Variants in CSTPP1 observed in about 807,000 individuals in gnomAD.
The protein encoded by CSTPP1 is centriolar satellite-associated tubulin polyglutamylase complex regulator 1.
At chr11:47,131,702 C>T in the CSTPP1 span, among the ~76,000 whole-genome samples, 1,684 of 152,226 alleles carry the variant, frequency 0.011, 106 homozygotes, top group Admixed American at 0.099. Flanking sequence ...CATGGCCTGG[C>T]GCAGTAGCTC....
the CSTPP1 span, among the ~76,000 whole-genome samples, chr11:46,938,037 G>A: frequency 6.6e-6 from 1 of 151,604 alleles, no homozygotes; most frequent in Admixed American, 6.6e-5. Flanking sequence ...ACCACGCCAG[G>A]TTAATTTTAT....
the CSTPP1 span, among the ~76,000 whole-genome samples, chr11:46,971,593 A>G: frequency 1.3e-5 from 2 of 152,356 alleles, no homozygotes; most frequent in East Asian, 1.9e-4. Flanking sequence ...ATCCAAAAAG[A>G]ATTCTGTATT....
chr11:47,156,951 A>G, the CSTPP1 span: 8 of 1,513,348 alleles, frequency 5.3e-6, no homozygotes, highest in Admixed American at 5.3e-5. Flanking sequence ...AAGGGAAGAC[A>G]TAGTGAACAG....
the CSTPP1 span, among the ~76,000 whole-genome samples, chr11:47,126,550 T>C: frequency 6.6e-6 from 1 of 152,170 alleles, no homozygotes; most frequent in African/African-American, 2.4e-5. Context: ...GAAGAGCTCT[T>C]GAACCCAAGG....
the CSTPP1 span, among the ~76,000 whole-genome samples, chr11:47,065,208 A>G: frequency 6.6e-6 from 1 of 152,222 alleles, no homozygotes; most frequent in South Asian, 2.1e-4. Context: ...CAGTGAATCT[A>G]TAGATCACTT....
the CSTPP1 span, among the ~76,000 whole-genome samples, chr11:46,959,837 A>G: frequency 6.6e-6 from 1 of 151,148 alleles, no homozygotes; most frequent in Admixed American, 6.6e-5. Context: ...AGATATGCTT[A>G]GCACACCAAT....
the CSTPP1 span, among the ~76,000 whole-genome samples, chr11:47,084,902 T>C: frequency 6.6e-6 from 1 of 152,058 alleles, no homozygotes; most frequent in South Asian, 2.1e-4. Flanking sequence ...TTATTAAGAA[T>C]CGCCGGGTGC....
chr11:47,024,472 G>T, the CSTPP1 span, among the ~76,000 whole-genome samples: 2 of 151,410 alleles, frequency 1.3e-5, no homozygotes, highest in Non-Finnish European at 2.9e-5. Flanking sequence ...AAAGTCTATT[G>T]TCTGTAGCTA....
At chr11:47,130,350 A>G in the CSTPP1 span, among the ~76,000 whole-genome samples, 1 of 152,148 alleles carries the variant, frequency 6.6e-6, no homozygotes, top group African/African-American at 2.4e-5. Flanking sequence ...GGCAAAGGGT[A>G]GTGTTCATAA....
At chr11:47,140,214 T>G in the CSTPP1 span, among the ~76,000 whole-genome samples, 1 of 152,132 alleles carries the variant, frequency 6.6e-6, no homozygotes, top group East Asian at 1.9e-4. Flanking sequence ...TGATGGCAAC[T>G]GGCCACTGGT....
the CSTPP1 span, among the ~76,000 whole-genome samples, chr11:46,982,438 T>C: frequency 6.6e-6 from 1 of 152,116 alleles, no homozygotes; most frequent in Admixed American, 6.6e-5. Flanking sequence ...ATTGGGACTC[T>C]GTATTAAATA....
At chr11:47,137,096 C>T in the CSTPP1 span, among the ~76,000 whole-genome samples, 1 of 152,138 alleles carries the variant, frequency 6.6e-6, no homozygotes, top group Admixed American at 6.5e-5. Context: ...GATTTGTGTT[C>T]AGCCATTCAA....
At chr11:47,037,206 T>TA in the CSTPP1 span, among the ~76,000 whole-genome samples, 1 of 124,268 alleles carries the variant, frequency 8.0e-6, no homozygotes, top group African/African-American at 2.5e-5. Context: ...TAGTAAAGGA[T>TA]TATAACCTAT....
At chr11:47,027,207 C>G in the CSTPP1 span, among the ~76,000 whole-genome samples, 1 of 152,094 alleles carries the variant, frequency 6.6e-6, no homozygotes, top group Admixed American at 6.5e-5. Context: ...GTGAATTAAT[C>G]ATCTTATATC....
At chr11:47,138,188 G>A in the CSTPP1 span, among the ~76,000 whole-genome samples, 1 of 152,206 alleles carries the variant, frequency 6.6e-6, no homozygotes, top group Non-Finnish European at 1.5e-5. Flanking sequence ...AGGCAAAGGG[G>A]AAGCAAGGAC....
At chr11:46,942,438 G>A in the CSTPP1 span, among the ~76,000 whole-genome samples, 4 of 152,138 alleles carry the variant, frequency 2.6e-5, no homozygotes, top group Non-Finnish European at 4.4e-5. Context: ...ATAAGCATGA[G>A]GGCGTGAGGT....
At chr11:47,037,315 C>T in the CSTPP1 span, among the ~76,000 whole-genome samples, 4 of 126,110 alleles carry the variant, frequency 3.2e-5, 1 homozygote, top group African/African-American at 7.5e-5. Flanking sequence ...GATGAAACGA[C>T]GTAGTTGGAA....
the CSTPP1 span, among the ~76,000 whole-genome samples, chr11:47,039,138 A>G: frequency 7.9e-6 from 1 of 127,034 alleles, no homozygotes; most frequent in Admixed American, 8.3e-5. Flanking sequence ...GCACTTTGGG[A>G]GGCCAAGGCA....
At chr11:47,022,240 C>CAA in the CSTPP1 span, among the ~76,000 whole-genome samples, 1 of 147,300 alleles carries the variant, frequency 6.8e-6, no homozygotes, top group African/African-American at 2.5e-5. Flanking sequence ...CATACTTTAA[C>CAA]AAAAAAAAAG....
Sources: gnomAD v4.1 joint callset for allele counts (sites outside exome capture counted in the v4.1 genomes callset) on GRCh38, gnomAD v4.1.1 for gene constraint, MANE v1.5 for transcripts, NCBI Gene and HGNC (gene_info 2026-07-23, HGNC 2026-07-21) for gene names.